The following DDX6 variants were observed in gnomAD, a reference collection of about 807,000 sequenced individuals.
The protein encoded by DDX6 is probable ATP-dependent RNA helicase DDX6.
A neutral mutation model predicts 60.6 loss-of-function variants in DDX6; 7 were observed. That is an observed-to-expected ratio of 0.12 (90% CI 0.07 to 0.22). DDX6 has a LOEUF of 0.22. Ranked by LOEUF, DDX6 falls within the 10% of genes least tolerant of loss-of-function variation. The pLI is 1.00. For missense variants in DDX6, 270 were observed against 589.9 expected (o/e 0.46, Z 5.62); for synonymous variants, 207 against 201.0 (o/e 1.03, Z -0.25).
At position 118,759,090 on chromosome 11, in the gene DDX6, T is replaced by G. The variant is rs1050085310; in HGVS notation, c.865-188A>C. On this transcript the variant is annotated intron_variant, in intron 8 of 13. Transcript: ENST00000534980. ...CCCCTGCCACCCTGAGACAAAATCT[T>G]GCTCTGTCACCCAGGCTGGAGTGTA... 4.3e-6 allele frequency: 3 copies of G among 692,378 alleles called. No homozygotes were observed. In the South Asian group the frequency reaches 6.0e-5, roughly 14 times the overall value. The allele number at this position is 692,378 out of a possible 1,614,324, so 42.9% of individuals were successfully genotyped here. A position where few individuals can be genotyped will look rare whatever the true frequency, so the allele number is the denominator to read the frequency against.
At chr11:118,753,691 C>CCA (rs1555158018) in intron 13 of DDX6, among the ~76,000 whole-genome samples, 3 of 152,040 alleles carry the variant, frequency 2.0e-5, no homozygotes, top group Non-Finnish European at 4.4e-5. Context: ...TAAACATTTG[C>CCA]TAATAAGGTA....
chr11:118,766,110 C>A (rs114230904), intron 5 of DDX6, among the ~76,000 whole-genome samples: 1 of 151,908 alleles, frequency 6.6e-6, no homozygotes, highest in Non-Finnish European at 1.5e-5. Context: ...CCCTTATAAT[C>A]TAGATACCGA....
chr11:118,752,460 G>A (rs1860809064), intron 13 of DDX6, among the ~76,000 whole-genome samples: 2 of 152,150 alleles, frequency 1.3e-5, no homozygotes, highest in South Asian at 4.1e-4. Context: ...AAAGAGTACA[G>A]AGTAATTTAA....
Position 118,747,806 on chromosome 11 carries a change from C to A in DDX6, c.*4299G>T, listed in dbSNP as rs1860608401. On this transcript the variant is annotated 3_prime_UTR_variant, in exon 14 of 14. Coordinates refer to ENST00000534980, the MANE Select transcript of DDX6 (RefSeq NM_004397.6). ...TTTTATTGAGATAAATTAACAAAAACCAAGATTTTACCATATTTTTGGAAC... is the reference window on the plus strand; with the variant it reads ...TTTTATTGAGATAAATTAACAAAAAACAAGATTTTACCATATTTTTGGAAC... The A allele has an allele frequency of 6.6e-6, 1 of 151,832 alleles. No homozygotes were observed. Among genetic ancestry groups the A allele is most frequent in the Admixed American group, 6.6e-5 (1 of 15,244 alleles). The allele number at this position is 151,832 out of a possible 1,614,324, so 9.4% of individuals were successfully genotyped here. A position where few individuals can be genotyped will look rare whatever the true frequency, so the allele number is the denominator to read the frequency against.
At chr11:118,776,558 G>A (rs1239794741) in intron 4 of DDX6, among the ~76,000 whole-genome samples, 6 of 152,208 alleles carry the variant, frequency 3.9e-5, no homozygotes, top group African/African-American at 1.2e-4. Context: ...CAGTGGGCCA[G>A]GTGTGTTGGC....
chr11:118,760,952 T>C (rs1385842891), intron 7 of DDX6, among the ~76,000 whole-genome samples: 1 of 151,826 alleles, frequency 6.6e-6, no homozygotes, highest in East Asian at 2.0e-4. Flanking sequence ...CAAGACTGGT[T>C]GATATGGTGA....
At chr11:118,774,664 T>C (rs1330300407) in intron 4 of DDX6, among the ~76,000 whole-genome samples, 1 of 151,966 alleles carries the variant, frequency 6.6e-6, no homozygotes, top group Non-Finnish European at 1.5e-5. Flanking sequence ...ACTCAAGCAA[T>C]CCACCCACCT....
upstream of DDX6, chr11:118,791,715 T>C (rs1862281913): frequency 1.3e-5 from 2 of 151,756 alleles, no homozygotes; most frequent in Non-Finnish European, 2.9e-5. Context: ...GGCGCGGAAC[T>C]AGCGACCCGG....
chr11:118,784,498 G>C (rs1197983463), intron 2 of DDX6, among the ~76,000 whole-genome samples: 1 of 144,424 alleles, frequency 6.9e-6, no homozygotes, highest in African/African-American at 2.6e-5. Flanking sequence ...TTTCTCTGTT[G>C]CCCAGGCTGG....
At chr11:118,753,159 G>A (rs1448885284) in intron 13 of DDX6, among the ~76,000 whole-genome samples, 1 of 151,974 alleles carries the variant, frequency 6.6e-6, no homozygotes, top group Non-Finnish European at 1.5e-5. Flanking sequence ...CTCCTGACTA[G>A]CTGGGATTAC....
At chr11:118,775,301 G>A (rs1861662358) in intron 4 of DDX6, among the ~76,000 whole-genome samples, 1 of 152,118 alleles carries the variant, frequency 6.6e-6, no homozygotes, top group Admixed American at 6.5e-5. Context: ...GAGCGACAGA[G>A]CAAAACCCTG....
At chr11:118,776,709 T>C (rs1374342488) in intron 4 of DDX6, among the ~76,000 whole-genome samples, 1 of 151,872 alleles carries the variant, frequency 6.6e-6, no homozygotes, top group Non-Finnish European at 1.5e-5. Context: ...GGTGCACGCC[T>C]GTAGTCCCCG....
In DDX6 at chr11:118,749,991, G is replaced by A. The variant is rs1555156785; in HGVS notation, c.*2114C>T. ...ATGTCCCATCAGGAGGCATCTGTAG[G>A]ATTTTGATCTCCAAGGAATTGTGGG... On this transcript the variant is annotated 3_prime_UTR_variant, in exon 14 of 14. Coordinates refer to ENST00000534980, the MANE Select transcript of DDX6 (RefSeq NM_004397.6). 3.3e-5 allele frequency: 5 copies of A among 152,556 alleles called. No individual in the cohort carries two copies. Among genetic ancestry groups the A allele is most frequent in the African/African-American group, 9.7e-5 (4 of 41,428 alleles). 9.5% of individuals were successfully genotyped at this position (152,556 alleles called of 1,614,324 possible). A position where few individuals can be genotyped will look rare whatever the true frequency, so the allele number is the denominator to read the frequency against.
chr11:118,777,241 AT>A (rs1861730622), intron 4 of DDX6, among the ~76,000 whole-genome samples: 1 of 55,534 alleles, frequency 1.8e-5, no homozygotes, highest in East Asian at 5.1e-4. Context: ...CACTCCACAC[AT>A]GTTGGCTCAA....
chr11:118,760,287 T>C (rs1861120411), intron 7 of DDX6, among the ~76,000 whole-genome samples: 3 of 152,158 alleles, frequency 2.0e-5, no homozygotes, highest in South Asian at 2.1e-4. Flanking sequence ...TCCCCCGCTT[T>C]CTGTAACAGA....
At chr11:118,759,840 A>G in intron 8 of DDX6, 82 bp downstream of exon 8, 1 of 1,410,314 alleles carries the variant, frequency 7.1e-7, no homozygotes, top group Non-Finnish European at 9.5e-7. Context: ...GTATATTCAC[A>G]GATATGAAGA....
chr11:118,773,997 T>C (rs1591912126), intron 4 of DDX6, among the ~76,000 whole-genome samples: 1 of 152,228 alleles, frequency 6.6e-6, no homozygotes, highest in East Asian at 1.9e-4. Context: ...AATTCCTAAC[T>C]ATAAATAGTA....
At chr11:118,753,865 C>A (rs1011767170) in intron 13 of DDX6, among the ~76,000 whole-genome samples, 1 of 151,964 alleles carries the variant, frequency 6.6e-6, no homozygotes, top group South Asian at 2.1e-4. Context: ...GAGGCTGAGG[C>A]GGGTAGATCA....
At position 118,751,243 on chromosome 11, in the gene DDX6, T is replaced by TA. The variant is rs1330194955; in HGVS notation, c.*861dup. The TA allele has an allele frequency of 1.3e-5, 2 of 152,246 alleles. No individual in the cohort carries two copies. Among genetic ancestry groups the TA allele is most frequent in the Non-Finnish European group, 2.9e-5 (2 of 68,028 alleles). The allele number at this position is 152,246 out of a possible 1,614,324, so 9.4% of individuals were successfully genotyped here. ...CTGGAGGCATATGTAACCCAGTCTT[T>TA]AGTGTCTGCTATAGAGCACAAAGGC... is the stretch of plus-strand genomic sequence containing the variant. On this transcript the variant is annotated 3_prime_UTR_variant, in exon 14 of 14. Transcript: ENST00000534980.
Sources: gnomAD v4.1 joint callset for allele counts (sites outside exome capture counted in the v4.1 genomes callset) on GRCh38, gnomAD v4.1.1 for gene constraint, MANE v1.5 for transcripts, NCBI Gene and HGNC (gene_info 2026-07-23, HGNC 2026-07-21) for gene names.